Variants in PI16 observed in about 807,000 individuals in gnomAD.
PI16 encodes peptidase inhibitor 16.
Under a neutral mutation model 38.0 loss-of-function variants are expected in PI16, and 35 were observed. The ratio of observed to expected loss-of-function variants is 0.92; its 90% CI spans 0.70 to 1.22. PI16 has a LOEUF of 1.22. Ranked by LOEUF, PI16 falls within the 50% of genes most tolerant of loss-of-function variation. The pLI is 0.00. For synonymous variants in PI16, 275 were observed against 252.9 expected (o/e 1.09, Z -0.83); for missense variants, 572 against 593.8 (o/e 0.96, Z 0.38).
intron 1 of PI16, among the ~76,000 whole-genome samples, chr6:36,948,748 C>A: frequency 7.2e-6 from 1 of 139,332 alleles, no homozygotes; most frequent in African/African-American, 2.6e-5. Context: ...CCTTCCCTTC[C>A]TTCTCTCCCT....
rs199627182 is a variant in PI16 at position 36,959,408 on chromosome 6, T to G, written c.393+42T>G. 7,503 of 1,513,924 alleles carry G rather than the reference T, an allele frequency of 5.0e-3. 267 individuals carry two copies. In the African/African-American group the frequency reaches 0.085, roughly 17 times the overall value. 93.8% of individuals were successfully genotyped at this position (1,513,924 alleles called of 1,614,324 possible). Reference sequence around the variant, plus strand: ...CGAGGCGGGGCGGAGCCTCGCGGCGTGGGGGTGGGGCCACGTGCTCCCTGG... The same window carrying G: ...CGAGGCGGGGCGGAGCCTCGCGGCGGGGGGGTGGGGCCACGTGCTCCCTGG... On this transcript the variant is annotated intron_variant, in intron 2 of 6. Coordinates refer to ENST00000373674, the MANE Select transcript of PI16 (RefSeq NM_153370.3).
chr6:36,957,422 C>T (rs707999), intron 1 of PI16, among the ~76,000 whole-genome samples: 35,786 of 152,090 alleles, frequency 0.24, 4,308 homozygotes, highest in East Asian at 0.39. Flanking sequence ...TCTTTGGTGC[C>T]TCTATAGTAC....
chr6:36,951,384 G>C (rs573636273), upstream of PI16, among the ~76,000 whole-genome samples: 28 of 152,024 alleles, frequency 1.8e-4, no homozygotes, highest in African/African-American at 6.5e-4. Flanking sequence ...CTAGTAGCTG[G>C]GACTACAGGT....
rs745763405 is a variant in PI16 at position 36,962,915 on chromosome 6, G to T, written c.593-20G>T. ...GGTCCTGCTTGCAGCACTCATGCCC[G>T]TTCTCGTCTGTCTTATCAGAACCCA... is the stretch of plus-strand genomic sequence containing the variant. On this transcript the variant is annotated intron_variant, in intron 4 of 6. Transcript: ENST00000373674. The surrounding 1 kb of genome is among the most constrained non-coding windows in gnomAD (Gnocchi z 4.1). The T allele has an allele frequency of 1.3e-6, 2 of 1,588,472 alleles. No homozygotes were observed. Among genetic ancestry groups the T allele is most frequent in the East Asian group, 2.2e-5 (1 of 44,592 alleles).
In PI16 at chr6:36,962,763, G is replaced by A. The variant is rs1433518781; in HGVS notation, c.593-172G>A. ...GCTGGGATTACAGACGTGAGCCACC[G>A]CGCCCGGCTTGTAACTTTTATTTTC... On this transcript the variant is annotated intron_variant, in intron 4 of 6. Coordinates refer to ENST00000373674, the MANE Select transcript of PI16 (RefSeq NM_153370.3). This position sits in a 1 kb window ranked among gnomAD's most constrained non-coding sequence, Gnocchi z 4.1. Among the ~76,000 whole-genome samples the A allele has an allele frequency of 6.6e-6, 1 of 152,180 alleles. No individual in the cohort carries two copies. The highest frequency in any genetic ancestry group is 6.5e-5 in the Admixed American group (1 of 15,284).
In PI16 at chr6:36,959,372, G is replaced by T. The variant is rs1763291628; in HGVS notation, c.393+6G>T. 1 of 1,545,588 alleles carries T rather than the reference G, an allele frequency of 6.5e-7. No individual in the cohort carries two copies. The highest frequency in any genetic ancestry group is 2.4e-5 in the East Asian group (1 of 40,984). On this transcript the variant is annotated splice_donor_region_variant and intron_variant, in intron 2 of 6. Coordinates refer to ENST00000373674, the MANE Select transcript of PI16 (RefSeq NM_153370.3). ...TGTGCGGCCACTACACGCAGGTGTG[G>T]GCCCGGCGGGCGAGGCGGGGCGGAG...
rs750722541 is a variant in PI16 at position 36,963,397 on chromosome 6, A to G, written c.1055A>G (p.His352Arg). 1 of 1,614,136 alleles carries G rather than the reference A, an allele frequency of 6.2e-7. No individual in the cohort carries two copies. Among genetic ancestry groups the G allele is most frequent in the South Asian group, 1.1e-5 (1 of 91,076 alleles). Residue 352 changes from histidine (H) to arginine (R), a missense_variant, in exon 5 of 7, where the codon CAT becomes CGT. Transcript: ENST00000373674. ...SLTGARELLPHAQEEAEAEAE... is the reference protein window; with the variant it reads ...SLTGARELLPRAQEEAEAEAE... The stretch of plus-strand genomic sequence containing the variant: ...ACAGGGGCAAGGGAACTCCTACCCC[A>G]TGCCCAGGAGGAGGCTGAGGCTGAG...
Position 36,961,516 on chromosome 6 carries a change from T to C in PI16, c.459T>C (p.Val153=), listed in dbSNP as rs755224572. The C allele has an allele frequency of 1.2e-5, 20 of 1,614,134 alleles. No homozygotes were observed. Among genetic ancestry groups the C allele is most frequent in the Non-Finnish European group, 1.7e-5 (20 of 1,180,016 alleles). ...ACTTCTGTGAGAAGCTCCAGGGTGT[T>C]GAGGAGACCAACATCGAATTACTGG... ...GSHFCEKLQG[V]EETNIELLVC... is the part of the protein sequence containing the mutation. Residue 153 remains valine, a synonymous_variant, in exon 3 of 7, where the codon GTT becomes GTC. Transcript: ENST00000373674.
chr6:36,959,214 G>A lies in PI16; in HGVS notation c.241G>A (p.Glu81Lys), dbSNP rs1244243634. Residue 81 changes from glutamate to lysine, a missense_variant, in exon 2 of 7, where the codon GAG becomes AAG. Coordinates refer to ENST00000373674, the MANE Select transcript of PI16 (RefSeq NM_153370.3). ...GCAGTGCGTGTGGGGCCACAACAAG[G>A]AGCGCGGGCGCCGCGGCGAGAATCT... ...ARQCVWGHNK[E>K]RGRRGENLFA... The A allele has an allele frequency of 1.2e-6, 2 of 1,610,952 alleles. No individual in the cohort carries two copies. Among genetic ancestry groups the A allele is most frequent in the Admixed American group, 1.7e-5 (1 of 59,716 alleles).
chr6:36,961,934 C>T lies in PI16; in HGVS notation c.552C>T (p.Ser184=). The T allele has an allele frequency of 6.2e-7, 1 of 1,614,204 alleles. No individual in the cohort carries two copies. The highest frequency in any genetic ancestry group is 8.5e-7 in the Non-Finnish European group (1 of 1,180,020). ...KRPYQEGTPC[S]QCPSGYHCKN... The stretch of plus-strand genomic sequence containing the variant: ...CCTACCAGGAGGGGACTCCGTGCTC[C>T]CAATGTCCCTCTGGCTACCACTGCA... The change falls in exon 4 of 7, where the codon TCC becomes TCT. Residue 184 remains serine (S), a synonymous_variant. Coordinates refer to ENST00000373674, the MANE Select transcript of PI16 (RefSeq NM_153370.3).
rs189162874 is a variant in PI16, at chr6:36,963,985, C to T, written c.*18+23C>T. 4.4e-6 allele frequency: 7 copies of T among 1,591,622 alleles called. No homozygotes were observed. The East Asian group carries it at 1.6e-4, about 36-fold the overall frequency. On this transcript the variant is annotated intron_variant, in intron 6 of 6. Coordinates refer to ENST00000373674, the MANE Select transcript of PI16 (RefSeq NM_153370.3). ...AAGGCAAGGCCTGGTGAGGGGGGCC[C>T]TGGCCTCATACCCACCTGGATTGTC...
upstream of PI16, among the ~76,000 whole-genome samples, chr6:36,951,774 C>A (rs1197630373): frequency 6.6e-6 from 1 of 151,986 alleles, no homozygotes; most frequent in Non-Finnish European, 1.5e-5. Context: ...TGGCGCATGT[C>A]TGACGTCCCA....
At position 36,959,886 on chromosome 6, in the gene PI16, T is replaced by A. The variant is rs866861829; in HGVS notation, c.393+520T>A. On this transcript the variant is annotated intron_variant, in intron 2 of 6. Coordinates refer to ENST00000373674, the MANE Select transcript of PI16 (RefSeq NM_153370.3). ...CTGTCTCAAAAAAAAAAAAAAAAAA[T>A]TAAATAAATAAATAAATAAATAAAA... is the stretch of plus-strand genomic sequence containing the variant. 7.5e-3 allele frequency among the ~76,000 whole-genome samples: 1,041 copies of A among 138,080 alleles called. 13 individuals are homozygous for A. The highest frequency in any genetic ancestry group is 0.024 in the African/African-American group (894 of 37,882). The allele number at this position is 138,080 out of a possible 152,430, so 90.6% of individuals were successfully genotyped here. A position where few individuals can be genotyped will look rare whatever the true frequency, so the allele number is the denominator to read the frequency against.
upstream of PI16, among the ~76,000 whole-genome samples, chr6:36,951,913 A>C (rs1763106718): frequency 6.6e-6 from 1 of 152,040 alleles, no homozygotes; most frequent in South Asian, 2.1e-4. Context: ...ACAACAACAA[A>C]AAACCCACAA....
At chr6:36,953,918 C>T (rs1407942304), upstream of PI16, among the ~76,000 whole-genome samples, 1 of 152,216 alleles carries the variant, frequency 6.6e-6, no homozygotes, top group Non-Finnish European at 1.5e-5. Context: ...TCCCAGCATC[C>T]CACTTCCAAA....
chr6:36,956,326 A>G (rs707542), intron 1 of PI16, among the ~76,000 whole-genome samples: 99,068 of 152,088 alleles, frequency 0.65, 33,149 homozygotes, highest in African/African-American at 0.79. Context: ...TCATTGTTGG[A>G]CTTCAGTTTC....
chr6:36,961,849 G>T, intron 3 of PI16, 37 bp from the exon 4 acceptor site: 1 of 1,545,846 alleles, frequency 6.5e-7, no homozygotes, highest in South Asian at 1.1e-5. Context: ...GGGAGGGGTC[G>T]ACCCCCTCCC....
chr6:36,960,714 T>C (rs905712593), intron 2 of PI16, among the ~76,000 whole-genome samples: 1 of 140,808 alleles, frequency 7.1e-6, no homozygotes, highest in Non-Finnish European at 1.5e-5. Context: ...AGGGAGTGAG[T>C]CAGCCCAGCT....
chr6:36,954,796 G>C lies in PI16; in HGVS notation c.36G>C (p.Leu12=). The change falls in exon 1 of 7, where the codon CTG becomes CTC. Residue 12 remains leucine, a synonymous_variant. Transcript: ENST00000373674. ...CCTGCAGTTTCCTGATGCTTCTGCTGCCGCTACTGCTACTGCTGGTGGCCA... is the reference window on the plus strand; with the variant it reads ...CCTGCAGTTTCCTGATGCTTCTGCTCCCGCTACTGCTACTGCTGGTGGCCA... ...HGSCSFLMLL[L]PLLLLLVATT... The C allele has an allele frequency of 6.2e-7, 1 of 1,613,868 alleles. No individual in the cohort carries two copies. The highest frequency in any genetic ancestry group is 8.5e-7 in the Non-Finnish European group (1 of 1,179,982).
Sources: gnomAD v4.1 joint callset for allele counts (sites outside exome capture counted in the v4.1 genomes callset) on GRCh38, gnomAD v4.1.1 for gene constraint, Gnocchi (gnomAD v3.1) non-coding constraint, MANE v1.5 for transcripts, NCBI Gene and HGNC (gene_info 2026-07-23, HGNC 2026-07-21) for gene names.